Variants in AGK observed in about 807,000 individuals in gnomAD.
The protein encoded by AGK is acylglycerol kinase, also known as acylglycerol kinase, mitochondrial.
AGK carries 52 observed loss-of-function variants against 66.4 expected under a neutral mutation model. The ratio of observed to expected loss-of-function variants is 0.78; its 90% CI spans 0.63 to 0.99. The LOEUF is 0.99. Ranked by LOEUF, AGK falls within the 50% of genes least tolerant of loss-of-function variation. The pLI is 0.00. For synonymous variants in AGK, 182 were observed against 181.1 expected (o/e 1.00, Z -0.04); for missense variants, 451 against 506.6 (o/e 0.89, Z 1.05).
rs1797599673 is a variant in AGK at position 141,652,902 on chromosome 7, T to G, written c.1247T>G (p.Met416Arg). ...FFCDPRKREQ[M>R]LTSPTQ ...TGTGATCCTAGGAAGAGAGAACAGA[T>G]GCTCACAAGCCCCACCCAGTGAGCA... The change falls in exon 16 of 16, where the codon ATG becomes AGG. Residue 416 changes from methionine to arginine, a missense_variant. Met to Arg is a moderately conservative substitution (Grantham distance 91). Transcript: ENST00000649286. 1.2e-6 allele frequency: 2 copies of G among 1,614,006 alleles called. No homozygotes were observed. The highest frequency in any genetic ancestry group is 1.7e-6 in the Non-Finnish European group (2 of 1,179,996).
intron 6 of AGK, among the ~76,000 whole-genome samples, chr7:141,613,205 C>T (rs1398513339): frequency 6.6e-6 from 1 of 152,060 alleles, no homozygotes; most frequent in Non-Finnish European, 1.5e-5. Flanking sequence ...TCAGGTTTTA[C>T]TTTACAAAAT....
chr7:141,604,816 T>G (rs1796423003), intron 5 of AGK, among the ~76,000 whole-genome samples: 2 of 152,058 alleles, frequency 1.3e-5, no homozygotes, highest in African/African-American at 4.8e-5. Context: ...TCTCTTGACC[T>G]CGTGATCTGC....
chr7:141,562,087 G>C (rs755697405), intron 2 of AGK: 1 of 456,220 alleles, frequency 2.2e-6, no homozygotes, highest in South Asian at 1.5e-5. Context: ...TGTAGACTCT[G>C]TGAGGATCCT....
chr7:141,634,232 T>A (rs1797120837), intron 10 of AGK, among the ~76,000 whole-genome samples: 1 of 152,176 alleles, frequency 6.6e-6, no homozygotes, highest in Non-Finnish European at 1.5e-5. Context: ...TATGTCTCTA[T>A]TTTTAGACAC....
Position 141,584,049 on chromosome 7 carries a change from G to A in AGK, c.102-9097G>A, listed in dbSNP as rs144351049. Among the ~76,000 whole-genome samples, 21 of 152,084 alleles carry A rather than the reference G, an allele frequency of 1.4e-4. No individual in the cohort carries two copies. The East Asian group carries it at 2.7e-3, about 20-fold the overall frequency. On this transcript the variant is annotated intron_variant, in intron 2 of 15. Transcript: ENST00000649286. ...TGAGTCATGGCACCAAATTTCACTC[G>A]TGTCCATGTGAAGAGACCACCAAAC... is the stretch of plus-strand genomic sequence containing the variant.
In AGK at chr7:141,598,712, T is replaced by TC. The variant is rs912833600; in HGVS notation, c.221+2074dup. 5.9e-5 allele frequency among the ~76,000 whole-genome samples: 9 copies of TC among 152,196 alleles called. No individual in the cohort carries two copies. Among genetic ancestry groups the TC allele is most frequent in the African/African-American group, 1.9e-4 (8 of 41,454 alleles). ...GTTCAGAACAGTCTTCACTTCGCTA[T>TC]CCCATCCTTCCCAGAAGCTCTTGTA... On this transcript the variant is annotated intron_variant, in intron 4 of 15. Coordinates refer to ENST00000649286, the MANE Select transcript of AGK (RefSeq NM_018238.4). The surrounding 1 kb of genome is among the most constrained non-coding windows in gnomAD (Gnocchi z 4.2).
chr7:141,566,958 T>C (rs1795484542), intron 2 of AGK, among the ~76,000 whole-genome samples: 1 of 152,176 alleles, frequency 6.6e-6, no homozygotes, highest in Non-Finnish European at 1.5e-5. Context: ...CATTTTAGAA[T>C]AAGCTTAGTA....
In AGK at chr7:141,601,339, T is replaced by G. The variant is rs953893846; in HGVS notation, c.297+59T>G. 6 of 1,330,218 alleles carry G rather than the reference T, an allele frequency of 4.5e-6. No individual in the cohort carries two copies. The African/African-American group carries it at 8.9e-5, about 20-fold the overall frequency. 82.4% of individuals were successfully genotyped at this position (1,330,218 alleles called of 1,614,324 possible). A position where few individuals can be genotyped will look rare whatever the true frequency, so the allele number is the denominator to read the frequency against. ...AGCAGCTGCCTCTTATAACAACCTC[T>G]TCTCTTGGCTTCTTAGCAAAAATTG... On this transcript the variant is annotated intron_variant, in intron 5 of 15. Transcript: ENST00000649286.
intron 2 of AGK, among the ~76,000 whole-genome samples, chr7:141,557,860 G>A (rs933436024): frequency 6.6e-6 from 1 of 152,182 alleles, no homozygotes; most frequent in Non-Finnish European, 1.5e-5. Flanking sequence ...AAAAAACACA[G>A]GACATAAACA....
At chr7:141,557,538 A>G (rs1035344089) in intron 2 of AGK, among the ~76,000 whole-genome samples, 1 of 152,198 alleles carries the variant, frequency 6.6e-6, no homozygotes, top group Non-Finnish European at 1.5e-5. Flanking sequence ...TGAAGATTTG[A>G]GGAACTGTGT....
In AGK at chr7:141,615,546, G is replaced by A. The variant is rs141323107; in HGVS notation, c.499G>A (p.Glu167Lys). 58 of 1,613,614 alleles carry A rather than the reference G, an allele frequency of 3.6e-5. No individual in the cohort carries two copies. The African/African-American group carries it at 3.9e-4, about 11-fold the overall frequency. ...TSSLSHTLFA[E>K]SGNKVQHITD... is the part of the protein sequence containing the mutation. ...TAGTTTGAGTCATACCCTCTTTGCC[G>A]AAAGTGGAAACAAAGTCCAGTAGGT... Residue 167 changes from glutamate to lysine, a missense_variant, in exon 8 of 16, where the codon GAA becomes AAA. Physicochemically the swap from Glu to Lys is moderately conservative, Grantham distance 56. Transcript: ENST00000649286.
chr7:141,568,743 T>G (rs1456976344), intron 2 of AGK, among the ~76,000 whole-genome samples: 3 of 151,970 alleles, frequency 2.0e-5, no homozygotes, highest in African/African-American at 4.8e-5. Flanking sequence ...GGCTAATTTT[T>G]TTTTGTATTT....
intron 1 of AGK, among the ~76,000 whole-genome samples, chr7:141,553,928 T>C (rs767753181): frequency 6.6e-6 from 1 of 152,246 alleles, no homozygotes; most frequent in Non-Finnish European, 1.5e-5. Flanking sequence ...AAAAAAATTT[T>C]GCTTAAATTT....
At chr7:141,611,852 G>T (rs181934183) in intron 6 of AGK, among the ~76,000 whole-genome samples, 6 of 152,290 alleles carry the variant, frequency 3.9e-5, no homozygotes, top group Non-Finnish European at 2.9e-5. Context: ...TCAAATGCTG[G>T]CAAGGATGTG....
chr7:141,568,357 C>T (rs747629640), intron 2 of AGK, among the ~76,000 whole-genome samples: 11 of 152,180 alleles, frequency 7.2e-5, no homozygotes, highest in Non-Finnish European at 1.3e-4. Flanking sequence ...ACCTTGTCCT[C>T]GCTCTTCCCA....
intron 3 of AGK, chr7:141,593,527 C>T (rs1365766768): frequency 1.6e-6 from 1 of 607,982 alleles, no homozygotes; most frequent in Non-Finnish European, 2.9e-6. Flanking sequence ...ATCTGAATAA[C>T]CCCCAAGGAT....
intron 11 of AGK, among the ~76,000 whole-genome samples, chr7:141,640,368 T>C (rs1240303413): frequency 1.3e-5 from 2 of 152,094 alleles, no homozygotes; most frequent in African/African-American, 4.8e-5. Context: ...AAGGGCTGGA[T>C]CCATGCATTG....
chr7:141,577,938 A>G (rs1037678718), intron 2 of AGK, among the ~76,000 whole-genome samples: 2 of 150,890 alleles, frequency 1.3e-5, no homozygotes, highest in African/African-American at 2.4e-5. Flanking sequence ...TCAGCCTCTC[A>G]GGTAGCTGGG....
At chr7:141,584,910 C>G (rs552972405) in intron 2 of AGK, among the ~76,000 whole-genome samples, 2 of 152,072 alleles carry the variant, frequency 1.3e-5, no homozygotes, top group Non-Finnish European at 2.9e-5. Context: ...TCTTCCTGAC[C>G]GTTTATGCTT....
Sources: gnomAD v4.1 joint callset for allele counts (sites outside exome capture counted in the v4.1 genomes callset) on GRCh38, gnomAD v4.1.1 for gene constraint, Gnocchi (gnomAD v3.1) non-coding constraint, MANE v1.5 for transcripts, NCBI Gene and HGNC (gene_info 2026-07-23, HGNC 2026-07-21) for gene names.